The following NRXN3 variants were observed in gnomAD, a reference collection of about 807,000 sequenced individuals.
NRXN3 encodes the protein neurexin III.
Under a neutral mutation model 137.6 loss-of-function variants are expected in NRXN3, and 32 were observed. The observed-to-expected ratio is 0.23, with a 90% CI of 0.18 to 0.31. The LOEUF (loss-of-function observed/expected upper bound fraction) is 0.31, where lower values mean the gene tolerates loss of function less well. NRXN3 is among the 10% of genes least tolerant of loss of function. The pLI is 1.00. For missense variants in NRXN3, 1,574 were observed against 2,062.5 expected (o/e 0.76, Z 4.59); for synonymous variants, 798 against 784.5 (o/e 1.02, Z -0.29).
chr14:78,858,982 C>T (rs1190616592), intron 10 of NRXN3, among the ~76,000 whole-genome samples: 1 of 152,146 alleles, frequency 6.6e-6, no homozygotes, highest in Non-Finnish European at 1.5e-5. Context: ...ATCCCCCACC[C>T]AAATCTCACC....
chr14:79,694,751 C>T (rs2098728912), intron 18 of NRXN3, among the ~76,000 whole-genome samples: 1 of 151,930 alleles, frequency 6.6e-6, no homozygotes, highest in South Asian at 2.1e-4. Context: ...ATAAATTAAT[C>T]AGAGTAAGGG....
At chr14:79,259,635 ATATATAGTTATCTATATATAGC>A (rs1487634079) in intron 15 of NRXN3, among the ~76,000 whole-genome samples, 6 of 148,144 alleles carry the variant, frequency 4.1e-5, no homozygotes, top group East Asian at 2.0e-4. Context: ...ATATAGCTAT[ATATATAGTTATCTATATATAGC>A]TATATAGTTA....
At chr14:78,190,652 T>TTTATTTATTTACTTAC (rs1295446008) in intron 1 of NRXN3, among the ~76,000 whole-genome samples, 12 of 67,464 alleles carry the variant, frequency 1.8e-4, no homozygotes, top group East Asian at 5.9e-4. Flanking sequence ...TATTTATTTA[T>TTTATTTATTTACTTAC]TTACTTACTT....
chr14:79,418,599 T>G (rs2095531279), intron 15 of NRXN3, among the ~76,000 whole-genome samples: 2 of 152,122 alleles, frequency 1.3e-5, no homozygotes, highest in Non-Finnish European at 2.9e-5. Context: ...AGCCTGTGCA[T>G]CAACACCTGC....
intron 16 of NRXN3, among the ~76,000 whole-genome samples, chr14:79,494,825 C>G (rs1227273441): frequency 6.6e-6 from 1 of 152,144 alleles, no homozygotes; most frequent in African/African-American, 2.4e-5. Context: ...ACAATTTGCT[C>G]AGATAATCCC....
rs372935224 is a variant in NRXN3 at position 79,779,739 on chromosome 14, C to T, written c.4015-25373C>T. 4.6e-5 allele frequency among the ~76,000 whole-genome samples: 7 copies of T among 152,312 alleles called. No individual in the cohort carries two copies. In the East Asian group the frequency reaches 1.4e-3, roughly 29 times the overall value. On this transcript the variant is annotated intron_variant, in intron 19 of 20. Coordinates refer to ENST00000335750, the MANE Select transcript of NRXN3 (RefSeq NM_001330195.2). ...TCATTATACTCATCTATCATTCTTG[C>T]AGTTTTCTGTCTCATCTTGAGCTGT...
At chr14:79,790,444 G>C (rs574937039) in intron 19 of NRXN3, among the ~76,000 whole-genome samples, 2 of 151,880 alleles carry the variant, frequency 1.3e-5, no homozygotes, top group African/African-American at 4.8e-5. Context: ...CTGGGACTAC[G>C]GGCCTGCACC....
Position 79,316,042 on chromosome 14 carries a change from C to T in NRXN3, c.3263-151179C>T, listed in dbSNP as rs140101817. On this transcript the variant is annotated intron_variant, in intron 15 of 20. Coordinates refer to ENST00000335750, the MANE Select transcript of NRXN3 (RefSeq NM_001330195.2). ...ATCCATTGCTTTGTAAGGTGTAAAT[C>T]GCTAGCCTTACTTAACCTTACTTCA... Among the ~76,000 whole-genome samples the T allele has an allele frequency of 5.9e-5, 9 of 152,132 alleles. 1 individual carries two copies. In the South Asian group the frequency reaches 1.5e-3, roughly 25 times the overall value.
At chr14:78,543,869 G>A (rs2096614551) in intron 4 of NRXN3, among the ~76,000 whole-genome samples, 1 of 152,114 alleles carries the variant, frequency 6.6e-6, no homozygotes, top group African/African-American at 2.4e-5. Context: ...GTCAAAGCCG[G>A]AATCAAGGGT....
chr14:79,318,893 G>A (rs567774510), intron 15 of NRXN3, among the ~76,000 whole-genome samples: 2 of 152,204 alleles, frequency 1.3e-5, no homozygotes, highest in East Asian at 3.9e-4. Flanking sequence ...GACTCTCTAA[G>A]TATTACTTTC....
intron 15 of NRXN3, among the ~76,000 whole-genome samples, chr14:79,032,858 C>A (rs747170899): frequency 1.3e-5 from 2 of 152,082 alleles, no homozygotes; most frequent in African/African-American, 4.8e-5. Flanking sequence ...TTTTACTGCT[C>A]TATGGTTCAG....
At chr14:78,287,753 A>AGGGCTTTT (rs60721855) in intron 3 of NRXN3, among the ~76,000 whole-genome samples, 1,762 of 152,338 alleles carry the variant, frequency 0.012, 29 homozygotes, top group African/African-American at 0.04. Context: ...GTTTGAAGAC[A>AGGGCTTTT]GGGCTTTTGC....
chr14:78,198,157 A>G (rs2061388437), intron 1 of NRXN3, among the ~76,000 whole-genome samples: 1 of 152,174 alleles, frequency 6.6e-6, no homozygotes, highest in South Asian at 2.1e-4. Flanking sequence ...TATCTGGCAC[A>G]TGAGTTTGAT....
At chr14:79,416,544 C>G (rs1163216275) in intron 15 of NRXN3, among the ~76,000 whole-genome samples, 3 of 152,038 alleles carry the variant, frequency 2.0e-5, no homozygotes, top group Non-Finnish European at 2.9e-5. Flanking sequence ...GCTCTACTTG[C>G]AACATAAATA....
rs752874622 is a variant in NRXN3, at chr14:78,216,545, GTGGC to G, written c.-703-25841_-703-25838del. Among the ~76,000 whole-genome samples the G allele has an allele frequency of 7.2e-4, 109 of 152,286 alleles. No individual in the cohort carries two copies. The Middle Eastern group carries it at 0.014, about 19-fold the overall frequency. On this transcript the variant is annotated intron_variant, in intron 1 of 20. Transcript: ENST00000335750. ...CTGGCCAGAGCCCCTGAGCTTCCCT[GTGGC>G]TGGCAAAGGCAAGTTGGCTTGAGAC... is the stretch of plus-strand genomic sequence containing the variant.
intron 15 of NRXN3, among the ~76,000 whole-genome samples, chr14:79,387,009 A>T (rs2094645297): frequency 6.6e-6 from 1 of 152,012 alleles, no homozygotes; most frequent in South Asian, 2.1e-4. Flanking sequence ...CTAGAAGAAA[A>T]CCTAGGCAAT....
intron 15 of NRXN3, among the ~76,000 whole-genome samples, chr14:79,181,611 G>A (rs1401468403): frequency 6.6e-6 from 1 of 151,276 alleles, no homozygotes; most frequent in Non-Finnish European, 1.5e-5. Context: ...AACCCAGGAG[G>A]CGGAGGATGC....
chr14:78,427,527 T>C (rs955902450), intron 4 of NRXN3, among the ~76,000 whole-genome samples: 12 of 152,182 alleles, frequency 7.9e-5, no homozygotes, highest in African/African-American at 2.9e-4. Context: ...GTATAATGAA[T>C]CTGGCATTTA....
At chr14:79,753,711 A>G (rs190350451) in intron 19 of NRXN3, among the ~76,000 whole-genome samples, 411 of 150,578 alleles carry the variant, frequency 2.7e-3, no homozygotes, top group Non-Finnish European at 4.6e-3. Flanking sequence ...CCTAAAACTT[A>G]AAGTATAATA....
Sources: allele counts gnomAD v4.1 joint callset (sites outside exome capture counted in the v4.1 genomes callset), GRCh38; gene constraint gnomAD v4.1.1; transcripts MANE v1.5; gene names NCBI Gene and HGNC (gene_info 2026-07-23, HGNC 2026-07-21).